The following PLXNB2 variants were observed in gnomAD, a reference collection of about 807,000 sequenced individuals.
PLXNB2 encodes the protein plexin-B2.
In PLXNB2, 85 loss-of-function variants were observed where a neutral mutation model predicts 202.6. The ratio of observed to expected loss-of-function variants is 0.42; its 90% CI spans 0.35 to 0.50. The LOEUF (loss-of-function observed/expected upper bound fraction) is 0.50. Among genes scored for constraint, PLXNB2 ranks in the 20% least tolerant of loss-of-function variants. The probability of loss-of-function intolerance (pLI) is 0.02; values close to 1 mark genes in which losing one functional copy is unlikely to be tolerated. For synonymous variants in PLXNB2, 1,239 were observed against 1,137.6 expected (o/e 1.09, Z -1.79); for missense variants, 2,063 against 2,586.2 (o/e 0.80, Z 4.39).
rs931411561 is a variant in PLXNB2 at position 50,284,336 on chromosome 22, C to T, written c.2182-123G>A. On this transcript the variant is annotated intron_variant, in intron 12 of 36. Transcript: ENST00000359337. This position sits in a 1 kb window ranked among gnomAD's most constrained non-coding sequence, Gnocchi z 8.0. Reference sequence around the variant, plus strand: ...TCCCAGCCAAGGGCAGCAGGGGAGGCCTTCAGGTGTCGGAAGTTCGGGAAC... The same window carrying T: ...TCCCAGCCAAGGGCAGCAGGGGAGGTCTTCAGGTGTCGGAAGTTCGGGAAC... 6.7e-5 allele frequency: 64 copies of T among 958,862 alleles called. No homozygotes were observed. Among genetic ancestry groups the T allele is most frequent in the Non-Finnish European group, 9.6e-5 (58 of 606,826 alleles). The allele number at this position is 958,862 out of a possible 1,614,324, so 59.4% of individuals were successfully genotyped here.
rs1347160019 is a variant in PLXNB2, at chr22:50,290,451, A to G, written c.134T>C (p.Val45Ala). 6.2e-7 allele frequency: 1 copy of G among 1,612,878 alleles called. No individual in the cohort carries two copies. Among genetic ancestry groups the G allele is most frequent in the Non-Finnish European group, 8.5e-7 (1 of 1,179,984 alleles). The change falls in exon 3 of 37, where the codon GTG becomes GCG. Residue 45 changes from valine to alanine, a missense_variant. Physicochemically the swap from Val to Ala is moderately conservative, Grantham distance 64 (BLOSUM62 0). Coordinates refer to ENST00000359337, the MANE Select transcript of PLXNB2 (RefSeq NM_012401.4). ...NHLAVDEASG[V>A]VYLGAVNALY... ...GGCATTCACCGCCCCCAGGTACACC[A>G]CGCCTGAGGCCTCATCCACAGCCAG... is the stretch of plus-strand genomic sequence containing the variant.
chr22:50,296,462 C>T (rs1305034722), intron 1 of PLXNB2, among the ~76,000 whole-genome samples: 1 of 150,484 alleles, frequency 6.6e-6, no homozygotes, highest in Non-Finnish European at 1.5e-5. Context: ...GAAGCTGAGC[C>T]AGGCACGGTG....
At position 50,288,911 on chromosome 22, in the gene PLXNB2, G is replaced by C. The variant is rs185998657; in HGVS notation, c.1252-40C>G. ...GCAGGCCGGTGAGGGTACGGGCCTT[G>C]TGCACAGACGGGCCCTCCAGAGCCT... On this transcript the variant is annotated intron_variant, in intron 4 of 36. Transcript: ENST00000359337. This position sits in a 1 kb window ranked among gnomAD's most constrained non-coding sequence, Gnocchi z 5.0. 2.0e-5 allele frequency: 32 copies of C among 1,610,566 alleles called. No individual in the cohort carries two copies. Among genetic ancestry groups the C allele is most frequent in the Non-Finnish European group, 2.6e-5 (31 of 1,177,892 alleles).
At chr22:50,306,052 C>T (rs1269019920) in intron 1 of PLXNB2, among the ~76,000 whole-genome samples, 1 of 152,246 alleles carries the variant, frequency 6.6e-6, no homozygotes, top group East Asian at 1.9e-4. Flanking sequence ...GAAGTGGATC[C>T]TTCTCCCACG....
intron 1 of PLXNB2, among the ~76,000 whole-genome samples, chr22:50,295,814 CCGG>C (rs1429939529): frequency 6.6e-6 from 1 of 152,116 alleles, no homozygotes; most frequent in Non-Finnish European, 1.5e-5. Context: ...AAAATAGTGG[CCGG>C]CTAAGGCTGG....
intron 1 of PLXNB2, among the ~76,000 whole-genome samples, chr22:50,295,435 GA>G (rs1184146679): frequency 6.6e-6 from 1 of 152,150 alleles, no homozygotes; most frequent in Non-Finnish European, 1.5e-5. Flanking sequence ...TCCATCTGTG[GA>G]ATGGAGACAG....
rs1245237849 is a variant in PLXNB2, at chr22:50,288,621, A to G, written c.1380+122T>C. On this transcript the variant is annotated intron_variant, in intron 5 of 36. Transcript: ENST00000359337. The surrounding 1 kb of genome is among the most constrained non-coding windows in gnomAD (Gnocchi z 5.0). ...CAGCCACCCCTCATCCAGACCAAGG[A>G]GAAGGGCCCAGCTCTGCAGCACCCC... is the stretch of plus-strand genomic sequence containing the variant. 3.6e-6 allele frequency: 5 copies of G among 1,379,964 alleles called. No individual in the cohort carries two copies. The highest frequency in any genetic ancestry group is 4.9e-6 in the Non-Finnish European group (5 of 1,025,252). The allele number at this position is 1,379,964 out of a possible 1,614,324, so 85.5% of individuals were successfully genotyped here.
rs773092735 is a variant in PLXNB2, at chr22:50,283,198, G to T, written c.2680-12C>A. 1.3e-6 allele frequency: 2 copies of T among 1,598,916 alleles called. No individual in the cohort carries two copies. Among genetic ancestry groups the T allele is most frequent in the Non-Finnish European group, 1.7e-6 (2 of 1,173,854 alleles). On this transcript the variant is annotated splice_polypyrimidine_tract_variant and intron_variant, in intron 16 of 36. Coordinates refer to ENST00000359337, the MANE Select transcript of PLXNB2 (RefSeq NM_012401.4). Reference sequence around the variant, plus strand: ...AGAGGCTTGGGCTGCTGAAAGAGCCGCAGGGGCACTCGGGTGAGGACGGGG... The same window carrying T: ...AGAGGCTTGGGCTGCTGAAAGAGCCTCAGGGGCACTCGGGTGAGGACGGGG...
Position 50,287,929 on chromosome 22 carries a change from G to A in PLXNB2, c.1481+8C>T. On this transcript the variant is annotated splice_region_variant and intron_variant, in intron 6 of 36. Coordinates refer to ENST00000359337, the MANE Select transcript of PLXNB2 (RefSeq NM_012401.4). ...AGGCCGTGTCCCCGAGCCACCCCAG[G>A]CACTCACCGTCCCTCGACGACGCAC... 1 of 1,585,582 alleles carries A rather than the reference G, an allele frequency of 6.3e-7. No homozygotes were observed. Among genetic ancestry groups the A allele is most frequent in the Non-Finnish European group, 8.6e-7 (1 of 1,167,496 alleles).
In PLXNB2 at chr22:50,279,935, G is replaced by A; in HGVS notation, c.4242+70C>T. 3.5e-6 allele frequency: 5 copies of A among 1,424,818 alleles called. No homozygotes were observed. In the East Asian group the frequency reaches 9.1e-5, roughly 26 times the overall value. The allele number at this position is 1,424,818 out of a possible 1,614,324, so 88.3% of individuals were successfully genotyped here. A position where few individuals can be genotyped will look rare whatever the true frequency, so the allele number is the denominator to read the frequency against. The stretch of plus-strand genomic sequence containing the variant: ...CACCTCAAGGTGCCGTACAGATAGG[G>A]GAACGCAGGAGGGGATGGCAGCAGT... On this transcript the variant is annotated intron_variant, in intron 26 of 36. Coordinates refer to ENST00000359337, the MANE Select transcript of PLXNB2 (RefSeq NM_012401.4).
Position 50,289,082 on chromosome 22 carries a change from C to T in PLXNB2, c.1129G>A (p.Asp377Asn), listed in dbSNP as rs766018907. 1.9e-5 allele frequency: 30 copies of T among 1,599,340 alleles called. No individual in the cohort carries two copies. The South Asian group carries it at 2.4e-4, about 13-fold the overall frequency. Residue 377 changes from aspartate (D) to asparagine (N), a missense_variant, in exon 4 of 37, where the codon GAC (aspartate) becomes AAC (asparagine). This residue lies in a region of PLXNB2 where 1,303 missense variants were observed against 1,476.8 expected (regional missense o/e 0.88). Transcript: ENST00000359337. This position sits in a 1 kb window ranked among gnomAD's most constrained non-coding sequence, Gnocchi z 8.0. ...AGCACGGCTGTGCCTCTGAGCCCGTCGCGGCTGCCCAGCGGGTAGGGCAGG... is the reference window on the plus strand; with the variant it reads ...AGCACGGCTGTGCCTCTGAGCCCGTTGCGGCTGCCCAGCGGGTAGGGCAGG... ...EHLPYPLGSR[D>N]GLRGTAVLQR...
At chr22:50,280,383 G>T in intron 25 of PLXNB2, 106 bp downstream of exon 25, 2 of 1,106,710 alleles carry the variant, frequency 1.8e-6, no homozygotes, top group Non-Finnish European at 2.5e-6. Context: ...GCTGGCACCT[G>T]CCGGCTCCTG....
Position 50,290,069 on chromosome 22 carries a change from T to C in PLXNB2, c.516A>G (p.Lys172=). 1 of 1,613,346 alleles carries C rather than the reference T, an allele frequency of 6.2e-7. No homozygotes were observed. The highest frequency in any genetic ancestry group is 1.3e-5 in the African/African-American group (1 of 75,042). The part of the protein sequence containing the change: ...PGGDRVLFVG[K]GNGPHDNGII... Reference sequence around the variant, plus strand: ...TGCCGTTGTCGTGTGGCCCATTGCCTTTGCCCACAAACAGCACGCGGTCAC... The same window carrying C: ...TGCCGTTGTCGTGTGGCCCATTGCCCTTGCCCACAAACAGCACGCGGTCAC... Residue 172 remains lysine (K), a synonymous_variant, in exon 3 of 37, where the codon AAA becomes AAG. Coordinates refer to ENST00000359337, the MANE Select transcript of PLXNB2 (RefSeq NM_012401.4).
chr22:50,296,365 T>C (rs2067270614), intron 1 of PLXNB2, among the ~76,000 whole-genome samples: 1 of 151,822 alleles, frequency 6.6e-6, no homozygotes. Flanking sequence ...TGAACTATGA[T>C]TGTGGGCAAC....
In PLXNB2 at chr22:50,284,310, T is replaced by A; in HGVS notation, c.2182-97A>T. On this transcript the variant is annotated intron_variant, in intron 12 of 36. Coordinates refer to ENST00000359337, the MANE Select transcript of PLXNB2 (RefSeq NM_012401.4). The surrounding 1 kb of genome is among the most constrained non-coding windows in gnomAD (Gnocchi z 8.0). ...AGCCTCCCTGTGGCCACCGGGTCCC[T>A]TCCCAGCCAAGGGCAGCAGGGGAGG... 8.4e-7 allele frequency: 1 copy of A among 1,194,504 alleles called. No homozygotes were observed. The allele number at this position is 1,194,504 out of a possible 1,614,324, so 74.0% of individuals were successfully genotyped here. A position where few individuals can be genotyped will look rare whatever the true frequency, so the allele number is the denominator to read the frequency against.
chr22:50,283,185 T>A lies in PLXNB2; in HGVS notation c.2681A>T (p.Gln894Leu). Residue 894 changes from glutamine to leucine, a missense_variant and splice_region_variant, in exon 17 of 37, where the codon CAG (glutamine) becomes CTG (leucine). This residue lies in a region of PLXNB2 where 1,303 missense variants were observed against 1,476.8 expected (regional missense o/e 0.88). Coordinates refer to ENST00000359337, the MANE Select transcript of PLXNB2 (RefSeq NM_012401.4). The stretch of plus-strand genomic sequence containing the variant: ...CGGCTCCACACTGAGAGGCTTGGGC[T>A]GCTGAAAGAGCCGCAGGGGCACTCG... ...SPPNVQFTFQ[Q>L]PKPLSVEPQQ... The A allele has an allele frequency of 6.3e-7, 1 of 1,598,572 alleles. No individual in the cohort carries two copies. The highest frequency in any genetic ancestry group is 8.5e-7 in the Non-Finnish European group (1 of 1,173,934).
chr22:50,288,643 C>G lies in PLXNB2; in HGVS notation c.1380+100G>C. The G allele has an allele frequency of 6.6e-7, 1 of 1,510,516 alleles. No individual in the cohort carries two copies. Among genetic ancestry groups the G allele is most frequent in the Non-Finnish European group, 8.9e-7 (1 of 1,119,802 alleles). 93.6% of individuals were successfully genotyped at this position (1,510,516 alleles called of 1,614,324 possible). A position where few individuals can be genotyped will look rare whatever the true frequency, so the allele number is the denominator to read the frequency against. On this transcript the variant is annotated intron_variant, in intron 5 of 36. Coordinates refer to ENST00000359337, the MANE Select transcript of PLXNB2 (RefSeq NM_012401.4). The surrounding 1 kb of genome is among the most constrained non-coding windows in gnomAD (Gnocchi z 5.0). ...AGGAGAAGGGCCCAGCTCTGCAGCA[C>G]CCCATCCTCCTCTGGCCCCCAGGCC...
chr22:50,278,176 C>G lies in PLXNB2; in HGVS notation c.4828G>C (p.Glu1610Gln). Residue 1610 changes from glutamate (E) to glutamine (Q), a missense_variant, in exon 31 of 37, where the codon GAG becomes CAG. By Grantham distance (29) the Glu-to-Gln change is conservative (BLOSUM62 2). Coordinates refer to ENST00000359337, the MANE Select transcript of PLXNB2 (RefSeq NM_012401.4). ...GTGATGGCCTTCGTCCGCTCCTTCTCTTTCACGCTGCCTCTCTTGGACTTG... is the reference window on the plus strand; with the variant it reads ...GTGATGGCCTTCGTCCGCTCCTTCTGTTTCACGCTGCCTCTCTTGGACTTG... ...EGKSKRGSVK[E>Q]KERTKAITEI... The G allele has an allele frequency of 6.2e-7, 1 of 1,606,298 alleles. No homozygotes were observed. The highest frequency in any genetic ancestry group is 8.5e-7 in the Non-Finnish European group (1 of 1,179,906).
intron 1 of PLXNB2, among the ~76,000 whole-genome samples, chr22:50,301,884 C>T (rs2067710712): frequency 6.6e-6 from 1 of 152,264 alleles, no homozygotes; most frequent in African/African-American, 2.4e-5. Context: ...AGCCTGTGTG[C>T]CAGACACCAC....
Sources: gnomAD v4.1 joint callset for allele counts (sites outside exome capture counted in the v4.1 genomes callset) on GRCh38, gnomAD v4.1.1 for gene constraint, gnomAD v4.1.1 regional missense constraint, Gnocchi (gnomAD v3.1) non-coding constraint, MANE v1.5 for transcripts, NCBI Gene and HGNC (gene_info 2026-07-23, HGNC 2026-07-21) for gene names.